CDC14A: variants seen among roughly 807,000 people sequenced by gnomAD.
CDC14A encodes the protein cell division cycle 14A.
A neutral mutation model predicts 74.4 loss-of-function variants in CDC14A; 53 were observed. The observed-to-expected ratio is 0.71, with a 90% CI of 0.57 to 0.89. The LOEUF (loss-of-function observed/expected upper bound fraction) is 0.89, where lower values mean the gene tolerates loss of function less well. Ranked by LOEUF, CDC14A falls within the 40% of genes least tolerant of loss-of-function variation. The pLI is 0.00. For synonymous variants in CDC14A, 247 were observed against 258.4 expected, an observed-to-expected ratio of 0.96 and a Z score of 0.43; for missense variants, 646 against 713.7, an observed-to-expected ratio of 0.91 and a Z score of 1.08.
intron 7 of CDC14A, among the ~76,000 whole-genome samples, chr1:100,447,901 A>G (rs909839060): frequency 6.6e-6 from 1 of 152,190 alleles, no homozygotes; most frequent in African/African-American, 2.4e-5. Flanking sequence ...GCTACTGTTA[A>G]GCAGTTATTA....
chr1:100,356,878 A>AT (rs1651986934), intron 2 of CDC14A, among the ~76,000 whole-genome samples: 1 of 151,610 alleles, frequency 6.6e-6, no homozygotes, highest in African/African-American at 2.4e-5. Flanking sequence ...AAAAAAAAAA[A>AT]AAAAATTCAG....
intron 7 of CDC14A, among the ~76,000 whole-genome samples, chr1:100,451,599 A>G (rs920265596): frequency 3.3e-5 from 5 of 152,236 alleles, no homozygotes; most frequent in Non-Finnish European, 5.9e-5. Context: ...AAGTTAGGGA[A>G]ATATAAAGAA....
At chr1:100,496,170 C>A (rs1339250642) in intron 13 of CDC14A, 121 bp downstream of exon 13, 3 of 746,996 alleles carry the variant, frequency 4.0e-6, no homozygotes, top group Non-Finnish European at 6.8e-6. Context: ...TAAATTGCTT[C>A]CTTTCTCTTC....
chr1:100,350,263 T>C (rs1427921840), upstream of CDC14A, among the ~76,000 whole-genome samples: 1 of 152,184 alleles, frequency 6.6e-6, no homozygotes, highest in Non-Finnish European at 1.5e-5. Flanking sequence ...ACAAGTTTTG[T>C]ATTTTTTTAA....
At chr1:100,431,631 C>T (rs1663694507) in intron 5 of CDC14A, among the ~76,000 whole-genome samples, 2 of 151,546 alleles carry the variant, frequency 1.3e-5, no homozygotes, top group Non-Finnish European at 2.9e-5. Context: ...CACTTGAACC[C>T]ATGAGTTAGA....
chr1:100,352,461 G>C, upstream of CDC14A: 1 of 1,012,182 alleles, frequency 9.9e-7, no homozygotes, highest in South Asian at 4.0e-5. Context: ...GGGAGGAGGA[G>C]GAGGAAGAGT....
chr1:100,472,119 A>G (rs1668453954), intron 10 of CDC14A, among the ~76,000 whole-genome samples: 1 of 152,180 alleles, frequency 6.6e-6, no homozygotes, highest in Admixed American at 6.5e-5. Context: ...CACATTAACA[A>G]TAAAAAGACA....
intron 13 of CDC14A, among the ~76,000 whole-genome samples, chr1:100,496,629 C>A (rs1450314656): frequency 6.6e-6 from 1 of 152,144 alleles, no homozygotes; most frequent in Non-Finnish European, 1.5e-5. Context: ...AGCTCTTCAC[C>A]TGCTGGTTCT....
chr1:100,393,730 C>A (rs1031212650), intron 4 of CDC14A: 6 of 362,374 alleles, frequency 1.7e-5, no homozygotes, highest in African/African-American at 1.1e-4. Context: ...CTGAGGCGGG[C>A]GGATCACAAG....
chr1:100,347,932 C>T (rs1359733031), upstream of CDC14A, among the ~76,000 whole-genome samples: 1 of 152,164 alleles, frequency 6.6e-6, no homozygotes, highest in African/African-American at 2.4e-5. Flanking sequence ...GTAAACCACA[C>T]AGCTGTCAGG....
chr1:100,494,797 G>A, intron 11 of CDC14A, 21 bp from the exon 12 acceptor site: 2 of 1,432,922 alleles, frequency 1.4e-6, no homozygotes, highest in Non-Finnish European at 2.0e-6. Flanking sequence ...ACCTTTCTAT[G>A]GAACGTGTAT....
chr1:100,436,008 A>G (rs1017776919), intron 5 of CDC14A, among the ~76,000 whole-genome samples: 3 of 152,152 alleles, frequency 2.0e-5, no homozygotes, highest in Non-Finnish European at 4.4e-5. Flanking sequence ...AAGGATCCAG[A>G]AGAGAGATAA....
At chr1:100,458,557 T>A (rs1380930152) in intron 8 of CDC14A, among the ~76,000 whole-genome samples, 1 of 152,224 alleles carries the variant, frequency 6.6e-6, no homozygotes, top group Non-Finnish European at 1.5e-5. Flanking sequence ...CATTTTAAGA[T>A]CTAATATTCA....
At chr1:100,426,617 A>G (rs1662989011) in intron 5 of CDC14A, among the ~76,000 whole-genome samples, 1 of 152,232 alleles carries the variant, frequency 6.6e-6, no homozygotes, top group Non-Finnish European at 1.5e-5. Context: ...AAAAATCTAT[A>G]TAGGAAGGTT....
intron 4 of CDC14A, among the ~76,000 whole-genome samples, chr1:100,415,344 A>C (rs1439135351): frequency 1.3e-5 from 2 of 152,204 alleles, no homozygotes; most frequent in Non-Finnish European, 2.9e-5. Context: ...ATGTCACATG[A>C]GGGTATTTCA....
chr1:100,473,640 G>A (rs1010130025), intron 10 of CDC14A, among the ~76,000 whole-genome samples: 8 of 151,984 alleles, frequency 5.3e-5, no homozygotes, highest in African/African-American at 1.9e-4. Flanking sequence ...CTCCCACCTC[G>A]GCCTCCCAAA....
intron 2 of CDC14A, among the ~76,000 whole-genome samples, chr1:100,364,135 AAATT>A (rs1386743756): frequency 6.6e-6 from 1 of 152,180 alleles, no homozygotes; most frequent in Non-Finnish European, 1.5e-5. Flanking sequence ...CACAAAAAAA[AAATT>A]TATTGATCAC....
intron 5 of CDC14A, among the ~76,000 whole-genome samples, chr1:100,429,931 T>G (rs1170891471): frequency 1.3e-5 from 2 of 152,038 alleles, no homozygotes; most frequent in African/African-American, 4.8e-5. Context: ...TTTTTTGAGA[T>G]GGAGGTTTCA....
chr1:100,477,985 T>A (rs543377884), intron 10 of CDC14A, among the ~76,000 whole-genome samples: 1 of 152,310 alleles, frequency 6.6e-6, no homozygotes, highest in African/African-American at 2.4e-5. Context: ...TTTATTAGCA[T>A]CCTTTTGAGT....
Sources: gnomAD v4.1 joint callset for allele counts (sites outside exome capture counted in the v4.1 genomes callset) on GRCh38, gnomAD v4.1.1 for gene constraint, MANE v1.5 for transcripts, NCBI Gene and HGNC (gene_info 2026-07-23, HGNC 2026-07-21) for gene names.